PTPN3: variants seen among roughly 807,000 people sequenced by gnomAD.
The protein encoded by PTPN3 is protein tyrosine phosphatase non-receptor type 3, also known as tyrosine-protein phosphatase non-receptor type 3.
A neutral mutation model predicts 132.7 loss-of-function variants in PTPN3; 96 were observed. That is an observed-to-expected ratio of 0.72 (90% confidence interval 0.61 to 0.86). PTPN3 has a LOEUF of 0.86. Among genes scored for constraint, PTPN3 ranks in the 40% least tolerant of loss-of-function variants. The probability of loss-of-function intolerance (pLI) is 0.00; values close to 1 mark genes in which losing one functional copy is unlikely to be tolerated. For synonymous variants in PTPN3, 398 were observed against 429.0 expected (o/e 0.93, Z 0.89); for missense variants, 1,125 against 1,159.6 (o/e 0.97, Z 0.43).
intron 19 of PTPN3, among the ~76,000 whole-genome samples, chr9:109,396,637 T>C (rs1840620311): frequency 6.6e-6 from 1 of 152,156 alleles, no homozygotes; most frequent in South Asian, 2.1e-4. Flanking sequence ...TATAAGAAGC[T>C]CTGAAGCTAA....
chr9:109,533,980 T>G, the PTPN3 span: 1 of 762,948 alleles, frequency 1.3e-6, no homozygotes, highest in Admixed American at 1.8e-5. Context: ...CTGCACCCTT[T>G]TCTCCTTCAA....
chr9:109,462,426 T>A (rs1845889474), intron 2 of PTPN3, among the ~76,000 whole-genome samples: 1 of 152,230 alleles, frequency 6.6e-6, no homozygotes, highest in Non-Finnish European at 1.5e-5. Context: ...TGCATTCTTG[T>A]GGCCTTTTAT....
chr9:109,442,058 T>C (rs1844514205), intron 7 of PTPN3, among the ~76,000 whole-genome samples: 2 of 152,130 alleles, frequency 1.3e-5, no homozygotes, highest in Non-Finnish European at 2.9e-5. Context: ...ATAATTAATT[T>C]TTTTTTTGAG....
chr9:109,481,439 C>T (rs1421568431), intron 1 of PTPN3, among the ~76,000 whole-genome samples: 3 of 152,202 alleles, frequency 2.0e-5, no homozygotes, highest in African/African-American at 4.8e-5. Flanking sequence ...TCTCATGCTT[C>T]TCTGGCTGTT....
intron 1 of PTPN3, among the ~76,000 whole-genome samples, chr9:109,471,061 C>CT (rs370759165): frequency 0.017 from 2,418 of 143,542 alleles, 60 homozygotes; most frequent in African/African-American, 0.052. Context: ...ACATACGCAT[C>CT]TTTTTTTTTT....
At chr9:109,449,004 T>A (rs751243682) in intron 5 of PTPN3, 149 bp from the exon 6 acceptor site, 12 of 1,438,688 alleles carry the variant, frequency 8.3e-6, no homozygotes, top group African/African-American at 2.9e-5. Context: ...AGGTGCTACC[T>A]TACGCTCTGC....
At chr9:109,449,668 C>G in intron 5 of PTPN3, 1 of 985,416 alleles carries the variant, frequency 1.0e-6, no homozygotes, top group African/African-American at 1.7e-5. Context: ...GCCACTAGCT[C>G]CCATGCTTTT....
intron 19 of PTPN3, chr9:109,392,783 T>C (rs1840240943): frequency 6.6e-6 from 1 of 152,212 alleles, no homozygotes; most frequent in African/African-American, 2.4e-5. Flanking sequence ...TTTGTATTTT[T>C]AGTAGAGACA....
chr9:109,428,430 G>GCCTTC (rs1207724984), intron 11 of PTPN3, among the ~76,000 whole-genome samples, 191 bp downstream of exon 11: 1 of 152,118 alleles, frequency 6.6e-6, no homozygotes, highest in East Asian at 1.9e-4. Flanking sequence ...AACCCTTAAA[G>GCCTTC]AACTAAAAGC....
At chr9:109,463,667 C>T (rs1845959445) in intron 1 of PTPN3, among the ~76,000 whole-genome samples, 1 of 152,184 alleles carries the variant, frequency 6.6e-6, no homozygotes. Flanking sequence ...AATTACGTGG[C>T]TTATTTGCAT....
chr9:109,522,777 A>G, the PTPN3 span, among the ~76,000 whole-genome samples: 1 of 152,236 alleles, frequency 6.6e-6, no homozygotes, highest in Admixed American at 6.5e-5. Flanking sequence ...TAAAGTTAAA[A>G]GTGGAAAATA....
At chr9:109,386,962 G>T (rs1037341392) in intron 22 of PTPN3, among the ~76,000 whole-genome samples, 1 of 152,172 alleles carries the variant, frequency 6.6e-6, no homozygotes, top group South Asian at 2.1e-4. Context: ...AGGGTTTGGG[G>T]GACAGAGAGG....
intron 15 of PTPN3, 25 bp from the exon 16 acceptor site, chr9:109,410,101 A>T (rs762878756): frequency 6.2e-7 from 1 of 1,614,184 alleles, no homozygotes; most frequent in Non-Finnish European, 8.5e-7. Flanking sequence ...GAAAGTGGTC[A>T]TTTGCATCAC....
intron 1 of PTPN3, among the ~76,000 whole-genome samples, chr9:109,474,851 CTGAGAT>C (rs752080098): frequency 6.6e-6 from 1 of 152,146 alleles, no homozygotes; most frequent in Non-Finnish European, 1.5e-5. Flanking sequence ...TCATCACTTA[CTGAGAT>C]TAACTTCGGA....
Position 109,395,012 on chromosome 9 carries a change from C to A in PTPN3, c.1954-3451G>T, listed in dbSNP as rs566458314. 1.1e-4 allele frequency among the ~76,000 whole-genome samples: 17 copies of A among 151,998 alleles called. No individual in the cohort carries two copies. The South Asian group carries it at 3.3e-3, about 30-fold the overall frequency. Reference sequence around the variant, plus strand: ...AAAATTAGCTGGGCGTGGCAGCAGGCGCCTGTAGTCCCAGCTACTCGGGAG... The same window carrying A: ...AAAATTAGCTGGGCGTGGCAGCAGGAGCCTGTAGTCCCAGCTACTCGGGAG... On this transcript the variant is annotated intron_variant, in intron 19 of 25. Transcript: ENST00000374541.
chr9:109,524,303 G>GAATGTCTTCAACTGGGC, the PTPN3 span, among the ~76,000 whole-genome samples: 7 of 82,368 alleles, frequency 8.5e-5, no homozygotes, highest in Admixed American at 2.6e-4. Context: ...AGCCTGAAGA[G>GAATGTCTTCAACTGGGC]TGCCAGTTGT....
intron 1 of PTPN3, among the ~76,000 whole-genome samples, chr9:109,497,850 C>G (rs967009825): frequency 6.6e-6 from 1 of 151,624 alleles, no homozygotes; most frequent in African/African-American, 2.4e-5. Flanking sequence ...GAGCCGGGGT[C>G]GCGGCGGCAC....
chr9:109,382,172 C>T lies in PTPN3; in HGVS notation c.2528+130G>A. 3 of 1,158,396 alleles carry T rather than the reference C, an allele frequency of 2.6e-6. No individual in the cohort carries two copies. In the East Asian group the frequency reaches 7.7e-5, roughly 30 times the overall value. The allele number at this position is 1,158,396 out of a possible 1,614,324, so 71.8% of individuals were successfully genotyped here. A position where few individuals can be genotyped will look rare whatever the true frequency, so the allele number is the denominator to read the frequency against. ...AAACTTTTGAAATGGTGAAGAACCA[C>T]AGTCAACAGAGGTTTGTAAGGGCAC... On this transcript the variant is annotated intron_variant, in intron 24 of 25. Coordinates refer to ENST00000374541, the MANE Select transcript of PTPN3 (RefSeq NM_002829.4).
At chr9:109,428,881 C>T in intron 10 of PTPN3, 197 bp from the exon 11 acceptor site, 1 of 985,406 alleles carries the variant, frequency 1.0e-6, no homozygotes, top group Non-Finnish European at 1.2e-6. Context: ...TGAAGCTGAG[C>T]ACTGCGTAAG....
Sources: gnomAD v4.1 joint callset for allele counts (sites outside exome capture counted in the v4.1 genomes callset) on GRCh38, gnomAD v4.1.1 for gene constraint, MANE v1.5 for transcripts, NCBI Gene and HGNC (gene_info 2026-07-23, HGNC 2026-07-21) for gene names.